PCAT7: variants seen among roughly 807,000 people sequenced by gnomAD.
PCAT7 encodes the protein prostate cancer associated transcript 7.
upstream of PCAT7, among the ~76,000 whole-genome samples, chr9:94,554,602 T>C (rs1363851380): frequency 1.3e-5 from 2 of 151,770 alleles, no homozygotes; most frequent in Non-Finnish European, 2.9e-5. Context: ...CTGCGGTCTC[T>C]GATTTCACCA....
intron 2 of PCAT7, among the ~76,000 whole-genome samples, chr9:94,564,326 A>G (rs564833642): frequency 6.6e-6 from 1 of 152,368 alleles, no homozygotes; most frequent in South Asian, 2.1e-4. Context: ...ACCCAAAGGA[A>G]TAGAAATCAT....
At chr9:94,568,305 CAT>C (rs1325937990) in intron 2 of PCAT7, 3 of 152,156 alleles carry the variant, frequency 2.0e-5, no homozygotes, top group African/African-American at 4.8e-5. Flanking sequence ...AATCCTCAGA[CAT>C]ATTAATAAAA....
At chr9:94,556,996 G>A (rs1212832347) in intron 1 of PCAT7, among the ~76,000 whole-genome samples, 2 of 152,058 alleles carry the variant, frequency 1.3e-5, no homozygotes, top group African/African-American at 2.4e-5. Flanking sequence ...CCGTAAACGC[G>A]TGAATTTATT....
chr9:94,570,665 T>G (rs550134663), intron 2 of PCAT7: 3 of 152,364 alleles, frequency 2.0e-5, no homozygotes, highest in African/African-American at 7.2e-5. Context: ...ATTAGCAAAC[T>G]GACACAGCAA....
At chr9:94,563,548 A>T (rs544939426) in intron 2 of PCAT7, 1 of 1,462,960 alleles carries the variant, frequency 6.8e-7, no homozygotes, top group Non-Finnish European at 9.3e-7. Flanking sequence ...AGTTGGTGTG[A>T]CCTCTGCCTT....
At chr9:94,567,586 T>G in intron 2 of PCAT7, 1 of 619,828 alleles carries the variant, frequency 1.6e-6, no homozygotes, top group Non-Finnish European at 2.8e-6. Context: ...ATAGGGACCA[T>G]ATGGAGCCCA....
chr9:94,567,585 A>G (rs1476090825), intron 2 of PCAT7: 3 of 624,700 alleles, frequency 4.8e-6, no homozygotes, highest in Non-Finnish European at 8.2e-6. Flanking sequence ...AATAGGGACC[A>G]TATGGAGCCC....
chr9:94,562,697 G>A (rs1159241890), intron 2 of PCAT7, among the ~76,000 whole-genome samples: 1 of 152,164 alleles, frequency 6.6e-6, no homozygotes, highest in Non-Finnish European at 1.5e-5. Context: ...AAATTCAGAT[G>A]CATTTTTATG....
intron 2 of PCAT7, among the ~76,000 whole-genome samples, chr9:94,563,945 C>G (rs965872317): frequency 1.3e-5 from 2 of 152,154 alleles, no homozygotes; most frequent in African/African-American, 4.8e-5. Flanking sequence ...CTTAACTATC[C>G]TAAATAATAT....
At chr9:94,565,830 G>A (rs1398224281) in intron 2 of PCAT7, among the ~76,000 whole-genome samples, 1 of 152,070 alleles carries the variant, frequency 6.6e-6, no homozygotes, top group Non-Finnish European at 1.5e-5. Flanking sequence ...AGGGCAGGAG[G>A]GAGGGATAAC....
At chr9:94,574,188 A>G (rs897881141) in intron 3 of PCAT7, among the ~76,000 whole-genome samples, 1 of 152,220 alleles carries the variant, frequency 6.6e-6, no homozygotes. Context: ...TTTTCCCAAG[A>G]TAAATTCCCA....
At chr9:94,568,462 A>C (rs1000810988) in intron 2 of PCAT7, 1 of 152,144 alleles carries the variant, frequency 6.6e-6, no homozygotes, top group Non-Finnish European at 1.5e-5. Context: ...TTAAATGCTC[A>C]TGTCTGTCTC....
intron 2 of PCAT7, among the ~76,000 whole-genome samples, chr9:94,572,179 G>C (rs1188434183): frequency 1.3e-5 from 2 of 152,112 alleles, no homozygotes; most frequent in African/African-American, 4.8e-5. Flanking sequence ...CTCTTCCTCT[G>C]ATTCCTTAAA....
At chr9:94,554,636 G>A (rs1381026801), upstream of PCAT7, among the ~76,000 whole-genome samples, 2 of 152,264 alleles carry the variant, frequency 1.3e-5, no homozygotes, top group Admixed American at 6.5e-5. Context: ...GGCGAGCCGC[G>A]GAGGCGCAAG....
At chr9:94,573,929 G>A (rs979190583) in intron 3 of PCAT7, among the ~76,000 whole-genome samples, 2 of 152,134 alleles carry the variant, frequency 1.3e-5, no homozygotes, top group Non-Finnish European at 2.9e-5. Flanking sequence ...TAAACCATCT[G>A]AGCCTGGAGA....
chr9:94,573,281 C>T (rs1200615519), intron 3 of PCAT7, among the ~76,000 whole-genome samples: 2 of 152,162 alleles, frequency 1.3e-5, no homozygotes, highest in Admixed American at 1.3e-4. Flanking sequence ...TTTTCAGAGA[C>T]AGGGTCTTGC....
intron 2 of PCAT7, chr9:94,567,516 G>A: frequency 2.2e-6 from 3 of 1,362,238 alleles, no homozygotes; most frequent in Non-Finnish European, 3.0e-6. Context: ...TGGCAGAGCT[G>A]GGGCTTGGCT....
At chr9:94,573,196 A>ATGCT (rs1372392990) in intron 3 of PCAT7, 4 of 152,152 alleles carry the variant, frequency 2.6e-5, no homozygotes, top group African/African-American at 9.6e-5. Context: ...ATTAAATGTA[A>ATGCT]TGCTAGCTGT....
chr9:94,566,429 C>G (rs1827190762), intron 2 of PCAT7, among the ~76,000 whole-genome samples: 1 of 152,264 alleles, frequency 6.6e-6, no homozygotes, highest in Admixed American at 6.5e-5. Context: ...GCTCCTGCTG[C>G]AGTTAACCAG....
Sources: allele counts gnomAD v4.1 joint callset (sites outside exome capture counted in the v4.1 genomes callset), GRCh38; gene constraint gnomAD v4.1.1; transcripts MANE v1.5; gene names NCBI Gene and HGNC (gene_info 2026-07-23, HGNC 2026-07-21).